Variants in RUSF1 observed in about 807,000 individuals in gnomAD.
RUSF1 encodes the protein RUS family member 1.
A neutral mutation model predicts 63.0 loss-of-function variants in RUSF1; 58 were observed. That is an observed-to-expected ratio of 0.92 (90% CI 0.75 to 1.15). The LOEUF (loss-of-function observed/expected upper bound fraction) is 1.15, where lower values mean the gene tolerates loss of function less well. Ranked by LOEUF, RUSF1 falls within the 50% of genes most tolerant of loss-of-function variation. The probability of loss-of-function intolerance (pLI) is 0.00; values close to 1 mark genes in which losing one functional copy is unlikely to be tolerated. For missense variants in RUSF1, 652 were observed against 611.0 expected, an observed-to-expected ratio of 1.07 and a Z score of -0.71; for synonymous variants, 274 against 255.8, an observed-to-expected ratio of 1.07 and a Z score of -0.68.
At position 31,490,183 on chromosome 16, in the gene RUSF1, C is replaced by A; in HGVS notation, c.*652G>T. 1 of 1,614,176 alleles carries A rather than the reference C, an allele frequency of 6.2e-7. No homozygotes were observed. Among genetic ancestry groups the A allele is most frequent in the East Asian group, 2.2e-5 (1 of 44,884 alleles). On this transcript the variant is annotated 3_prime_UTR_variant, in exon 13 of 13. Coordinates refer to ENST00000327237, the MANE Select transcript of RUSF1 (RefSeq NM_022744.4). ...GATGCTGATGAGCAGCAAGGCTCCT[C>A]ACTCCCTGTACAGAATGGGTGCCCA...
At chr16:31,495,355 G>C (rs1486015433) in intron 6 of RUSF1, among the ~76,000 whole-genome samples, 2 of 152,194 alleles carry the variant, frequency 1.3e-5, no homozygotes, top group African/African-American at 4.8e-5. Context: ...CAGGAAACTG[G>C]GGATCAGGGA....
At chr16:31,496,731 G>GTCA in intron 6 of RUSF1, 118 bp downstream of exon 6, 1 of 899,016 alleles carries the variant, frequency 1.1e-6, no homozygotes, top group Non-Finnish European at 1.6e-6. Context: ...GGTGTCTTGA[G>GTCA]TCAGCAGGGA....
chr16:31,503,785 C>G (rs905161405), intron 2 of RUSF1, among the ~76,000 whole-genome samples: 2 of 152,176 alleles, frequency 1.3e-5, no homozygotes, highest in African/African-American at 4.8e-5. Context: ...ACCTCAGCCT[C>G]CTGTGTAGCT....
At chr16:31,493,358 A>G in intron 9 of RUSF1, 109 bp downstream of exon 9, 2 of 1,385,334 alleles carry the variant, frequency 1.4e-6, no homozygotes, top group Non-Finnish European at 2.0e-6. Context: ...AGCAGCAATG[A>G]AGAACCCAGG....
At chr16:31,503,814 A>G (rs1337532864) in intron 2 of RUSF1, among the ~76,000 whole-genome samples, 3 of 152,120 alleles carry the variant, frequency 2.0e-5, no homozygotes, top group Admixed American at 2.0e-4. Context: ...AGGTGCACAC[A>G]ACCATGCCTG....
chr16:31,496,575 C>T (rs1346677868), intron 6 of RUSF1, among the ~76,000 whole-genome samples: 1 of 152,176 alleles, frequency 6.6e-6, no homozygotes, highest in Non-Finnish European at 1.5e-5. Context: ...CATGTGGGGC[C>T]TCATGTGATC....
At chr16:31,506,275 T>C (rs2082658160) in intron 2 of RUSF1, among the ~76,000 whole-genome samples, 1 of 152,302 alleles carries the variant, frequency 6.6e-6, no homozygotes. Context: ...ATATGAAACA[T>C]AAACGAATTT....
rs143874850 is a variant in RUSF1 at position 31,490,229 on chromosome 16, T to C, written c.*606A>G. 207 of 1,613,990 alleles carry C rather than the reference T, an allele frequency of 1.3e-4. No individual in the cohort carries two copies. Among genetic ancestry groups the C allele is most frequent in the Non-Finnish European group, 1.6e-4 (186 of 1,179,998 alleles). On this transcript the variant is annotated 3_prime_UTR_variant, in exon 13 of 13. Transcript: ENST00000327237. ...GCCCAGAGAGTGCCATGGAGATGAA[T>C]GGTAGGGCACCATGCTGGGAGGTGG...
intron 5 of RUSF1, among the ~76,000 whole-genome samples, chr16:31,498,906 A>G (rs2082618211): frequency 6.6e-6 from 1 of 152,204 alleles, no homozygotes; most frequent in Non-Finnish European, 1.5e-5. Flanking sequence ...CTATAATTCC[A>G]CAAACACTGG....
At chr16:31,499,056 C>A (rs543234964) in intron 5 of RUSF1, among the ~76,000 whole-genome samples, 5 of 152,294 alleles carry the variant, frequency 3.3e-5, no homozygotes, top group African/African-American at 1.2e-4. Flanking sequence ...CATTGGACAA[C>A]CCCTTCTAGT....
At chr16:31,491,954 G>C in intron 12 of RUSF1, 55 bp downstream of exon 12, 1 of 1,592,486 alleles carries the variant, frequency 6.3e-7, no homozygotes, top group African/African-American at 1.3e-5. Context: ...GGGAAGGCGG[G>C]GCCCCCAGGG....
chr16:31,502,280 C>T (rs1398274405), intron 2 of RUSF1, among the ~76,000 whole-genome samples: 1 of 152,128 alleles, frequency 6.6e-6, no homozygotes, highest in Non-Finnish European at 1.5e-5. Flanking sequence ...CACGGGCCAG[C>T]CCTCCCATTC....
chr16:31,493,605 G>T lies in RUSF1; in HGVS notation c.956C>A (p.Thr319Lys). The T allele has an allele frequency of 6.2e-7, 1 of 1,614,222 alleles. No individual in the cohort carries two copies. The highest frequency in any genetic ancestry group is 8.5e-7 in the Non-Finnish European group (1 of 1,180,038). ...TAANRMEPLW[T>K]GFWPAPSLSL... Reference sequence around the variant, plus strand: ...CCCGAGACCAGGGGCAGGGTCACCTGTCCACAGCGGCTCCATGCGATTGGC... The same window carrying T: ...CCCGAGACCAGGGGCAGGGTCACCTTTCCACAGCGGCTCCATGCGATTGGC... The change falls in exon 8 of 13, where the codon ACA (threonine) becomes AAA (lysine). Residue 319 changes from threonine to lysine, a missense_variant and splice_region_variant. Transcript: ENST00000327237.
intron 2 of RUSF1, among the ~76,000 whole-genome samples, chr16:31,502,921 T>C (rs1422031118): frequency 1.3e-5 from 2 of 152,252 alleles, no homozygotes; most frequent in Non-Finnish European, 2.9e-5. Context: ...TGAGCCACTG[T>C]GCCCAGCTCA....
chr16:31,489,581 T>A lies in RUSF1; in HGVS notation c.*1254A>T. 1.7e-6 allele frequency: 1 copy of A among 592,474 alleles called. No homozygotes were observed. Among genetic ancestry groups the A allele is most frequent in the Non-Finnish European group, 3.0e-6 (1 of 331,096 alleles). The allele number at this position is 592,474 out of a possible 1,614,324, so 36.7% of individuals were successfully genotyped here. Reference sequence around the variant, plus strand: ...AGCCTCCCAAAGCCAATCCTTGGCATGGCCTTTGGGACTCAAAACACAGGA... The same window carrying A: ...AGCCTCCCAAAGCCAATCCTTGGCAAGGCCTTTGGGACTCAAAACACAGGA... On this transcript the variant is annotated 3_prime_UTR_variant, in exon 13 of 13. Coordinates refer to ENST00000327237, the MANE Select transcript of RUSF1 (RefSeq NM_022744.4).
intron 5 of RUSF1, among the ~76,000 whole-genome samples, chr16:31,497,803 G>A (rs1206566325): frequency 3.3e-5 from 5 of 152,256 alleles, no homozygotes; most frequent in Non-Finnish European, 5.9e-5. Context: ...GAGGGACAAA[G>A]TGAGGGCGAA....
At chr16:31,498,050 A>G (rs1053271854) in intron 5 of RUSF1, among the ~76,000 whole-genome samples, 1 of 152,212 alleles carries the variant, frequency 6.6e-6, no homozygotes, top group Admixed American at 6.5e-5. Flanking sequence ...GGAGGGAAAA[A>G]TAACAGAACT....
chr16:31,491,924 A>G, intron 12 of RUSF1, 85 bp downstream of exon 12: 1 of 1,401,750 alleles, frequency 7.1e-7, no homozygotes, highest in African/African-American at 1.4e-5. Flanking sequence ...TTTACCTTTC[A>G]GGTGAAAGGG....
In RUSF1 at chr16:31,492,033, T is replaced by G. The variant is rs759182188; in HGVS notation, c.1285A>C (p.Met429Leu). 6.2e-7 allele frequency: 1 copy of G among 1,614,206 alleles called. No homozygotes were observed. Among genetic ancestry groups the G allele is most frequent in the Non-Finnish European group, 8.5e-7 (1 of 1,180,008 alleles). The change falls in exon 12 of 13, where the codon ATG (methionine) becomes CTG (leucine). Residue 429 changes from methionine to leucine, a missense_variant. Met to Leu is a conservative substitution (Grantham distance 15). Coordinates refer to ENST00000327237, the MANE Select transcript of RUSF1 (RefSeq NM_022744.4). ...CCTTTCAAGAACTTTGGGAACAGCA[T>G]GTCCAACACTTCGTGTGTCTCCTTG... ...VVKETHEVLD[M>L]LFPKFLKGLQ... is the part of the protein sequence containing the mutation.
Sources: gnomAD v4.1 joint callset for allele counts (sites outside exome capture counted in the v4.1 genomes callset) on GRCh38, gnomAD v4.1.1 for gene constraint, MANE v1.5 for transcripts, NCBI Gene and HGNC (gene_info 2026-07-23, HGNC 2026-07-21) for gene names.